The following TMEM259 variants were observed in gnomAD, a reference collection of about 807,000 sequenced individuals.
TMEM259 encodes transmembrane protein 259.
Under a neutral mutation model 46.7 loss-of-function variants are expected in TMEM259, and 26 were observed. The ratio of observed to expected loss-of-function variants is 0.56; its 90% CI spans 0.41 to 0.77. The LOEUF (loss-of-function observed/expected upper bound fraction) is 0.77, where lower values mean the gene tolerates loss of function less well. Among genes scored for constraint, TMEM259 ranks in the 30% least tolerant of loss-of-function variants. The probability of loss-of-function intolerance (pLI) is 0.00; values close to 1 mark genes in which losing one functional copy is unlikely to be tolerated. For synonymous variants in TMEM259, 494 were observed against 395.1 expected (o/e 1.25, Z -2.97); for missense variants, 930 against 900.5 (o/e 1.03, Z -0.42).
At position 1,011,907 on chromosome 19, in the gene TMEM259, G is replaced by A. The variant is rs770433599; in HGVS notation, c.927C>T (p.Ala309=). The A allele has an allele frequency of 1.0e-5, 16 of 1,606,990 alleles. No homozygotes were observed. The highest frequency in any genetic ancestry group is 1.6e-4 in the Middle Eastern group (1 of 6,064). ...AGGCACTCACGAAGATGACCATGATGGCGAAGGCGGCCAGGTAGGACGTCC... is the reference window on the plus strand; with the variant it reads ...AGGCACTCACGAAGATGACCATGATAGCGAAGGCGGCCAGGTAGGACGTCC... ...MARTSYLAAF[A]IMVIFTLSVS... Residue 309 remains alanine (A), a synonymous_variant, in exon 6 of 11, where the codon GCC becomes GCT. Coordinates refer to ENST00000356663, the MANE Select transcript of TMEM259 (RefSeq NM_001033026.2).
chr19:1,013,552 C>T (rs920341007), intron 2 of TMEM259: 1 of 552,278 alleles, frequency 1.8e-6, no homozygotes, highest in African/African-American at 1.9e-5. Flanking sequence ...ATCTCCAGCA[C>T]AGCTCTGAAT....
Position 1,012,118 on chromosome 19 carries a change from A to G in TMEM259, c.789T>C (p.Asp263=). The change falls in exon 5 of 11, where the codon GAT becomes GAC. Residue 263 remains aspartate, a synonymous_variant. Transcript: ENST00000356663. ...RLLLDEFLGY[D]DILMSSVKGL... ...CCTTCACGCTGGACATGAGGATGTC[A>G]TCGTAGCCCAGGAACTCATCCAGCA... The G allele has an allele frequency of 1.2e-6, 2 of 1,611,036 alleles. No homozygotes were observed. Among genetic ancestry groups the G allele is most frequent in the Non-Finnish European group, 1.7e-6 (2 of 1,179,106 alleles).
Position 1,010,731 on chromosome 19 carries a change from G to A in TMEM259, c.1482C>T (p.Asp494=). ...NNSGAPATAP[D]SAGQPPALGP... Reference sequence around the variant, plus strand: ...CCAGGGCGGGGGGCTGGCCGGCAGAGTCAGGGGCTGTAGCCGGGGCGCCCG... The same window carrying A: ...CCAGGGCGGGGGGCTGGCCGGCAGAATCAGGGGCTGTAGCCGGGGCGCCCG... The change falls in exon 11 of 11, where the codon GAC becomes GAT. Residue 494 remains aspartate, a synonymous_variant. Transcript: ENST00000356663. 1.3e-6 allele frequency: 2 copies of A among 1,531,602 alleles called. No individual in the cohort carries two copies. Among genetic ancestry groups the A allele is most frequent in the Non-Finnish European group, 1.7e-6 (2 of 1,145,268 alleles). 94.9% of individuals were successfully genotyped at this position (1,531,602 alleles called of 1,614,324 possible).
chr19:1,018,043 G>A (rs1291891525), intron 1 of TMEM259, among the ~76,000 whole-genome samples: 2 of 152,132 alleles, frequency 1.3e-5, no homozygotes, highest in South Asian at 2.1e-4. Flanking sequence ...CCTGTGGCTA[G>A]GCGCGGGCCC....
rs2145549452 is a variant in TMEM259 at position 1,009,818 on chromosome 19, G to A, written c.*532C>T. 2 of 466,930 alleles carry A rather than the reference G, an allele frequency of 4.3e-6. No individual in the cohort carries two copies. The highest frequency in any genetic ancestry group is 7.3e-6 in the Non-Finnish European group (2 of 272,608). The allele number at this position is 466,930 out of a possible 1,614,324, so 28.9% of individuals were successfully genotyped here. On this transcript the variant is annotated 3_prime_UTR_variant, in exon 11 of 11. Coordinates refer to ENST00000356663, the MANE Select transcript of TMEM259 (RefSeq NM_001033026.2). ...GACCACGGCCCTGGCTGCTGCCACT[G>A]ATGTTGGCGCCTGCACCCCACGTCC... is the stretch of plus-strand genomic sequence containing the variant.
intron 1 of TMEM259, among the ~76,000 whole-genome samples, chr19:1,014,926 C>T (rs1423027887): frequency 2.0e-5 from 3 of 152,202 alleles, no homozygotes; most frequent in Non-Finnish European, 4.4e-5. Flanking sequence ...CAGCCAACGG[C>T]TCCCGCCCTG....
In TMEM259 at chr19:1,012,426, G is replaced by A. The variant is rs369310236; in HGVS notation, c.718+37C>T. The A allele has an allele frequency of 3.3e-4, 505 of 1,547,068 alleles. 1 individual carries two copies. The African/African-American group carries it at 4.2e-3, about 13-fold the overall frequency. ...GACCCGAGGGAGGAGGGGAGGCCCC[G>A]CCATGGAGCTCCCCAAGCCCAGCAG... On this transcript the variant is annotated intron_variant, in intron 4 of 10. Transcript: ENST00000356663.
rs756650314 is a variant in TMEM259, at chr19:1,010,455, C to CG, written c.1757dup (p.Ser587GlufsTer2). On this transcript the variant is annotated frameshift_variant, in exon 11 of 11. Transcript: ENST00000356663. LOFTEE classifies it low-confidence loss of function (END_TRUNC). ...TTGTGTCAGAAGCTGCGGAGTCACT[C>CG]GGGGGGACACTGTCCTGGGGGGCGT... 1.3e-6 allele frequency: 2 copies of CG among 1,537,986 alleles called. No homozygotes were observed. The highest frequency in any genetic ancestry group is 1.2e-5 in the South Asian group (1 of 83,188).
In TMEM259 at chr19:1,010,388, T is replaced by C. The variant is rs752963465; in HGVS notation, c.1825A>G (p.Met609Val). The change falls in exon 11 of 11, where the codon ATG becomes GTG. Residue 609 changes from methionine (M) to valine (V), a missense_variant. Coordinates refer to ENST00000356663, the MANE Select transcript of TMEM259 (RefSeq NM_001033026.2). ...AAVGGPSPASMAPTEAPSEVG... is the reference protein window; with the variant it reads ...AAVGGPSPASVAPTEAPSEVG... ...TCCGAGGGCGCCTCCGTTGGGGCCA[T>C]GGAGGCCGGGCTAGGCCCGCCTACC... 68 of 1,509,660 alleles carry C rather than the reference T, an allele frequency of 4.5e-5. No homozygotes were observed. The highest frequency in any genetic ancestry group is 5.9e-5 in the Non-Finnish European group (67 of 1,136,290). 93.5% of individuals were successfully genotyped at this position (1,509,660 alleles called of 1,614,324 possible).
Position 1,010,080 on chromosome 19 carries a change from T to G in TMEM259, c.*270A>C. 1 of 455,036 alleles carries G rather than the reference T, an allele frequency of 2.2e-6. No individual in the cohort carries two copies. The highest frequency in any genetic ancestry group is 3.9e-6 in the Non-Finnish European group (1 of 258,720). 28.2% of individuals were successfully genotyped at this position (455,036 alleles called of 1,614,324 possible). On this transcript the variant is annotated 3_prime_UTR_variant, in exon 11 of 11. Transcript: ENST00000356663. ...TCCTCAGGACGGTTCACTGCAGACC[T>G]ACCAAGACCCCTCCAGAACCTTCCG...
Position 1,014,465 on chromosome 19 carries a change from A to C in TMEM259, c.234T>G (p.Phe78Leu), listed in dbSNP as rs761310401. Residue 78 changes from phenylalanine to leucine, a missense_variant, in exon 2 of 11, where the codon TTT (phenylalanine) becomes TTG (leucine). Physicochemically the swap from Phe to Leu is conservative, Grantham distance 22. Coordinates refer to ENST00000356663, the MANE Select transcript of TMEM259 (RefSeq NM_001033026.2). Reference protein sequence around the residue: ...FEFFVLLKALFVLFVLAYIHI... With the variant: ...FEFFVLLKALLVLFVLAYIHI... ...GGATGTAGGCCAGGACGAAGAGCAC[A>C]AACAGGGCCTAGGGGGCGGCCGGCA... The C allele has an allele frequency of 4.5e-5, 72 of 1,608,808 alleles. No homozygotes were observed. Among genetic ancestry groups the C allele is most frequent in the Non-Finnish European group, 5.7e-5 (67 of 1,178,080 alleles).
chr19:1,012,553 T>C lies in TMEM259; in HGVS notation c.628A>G (p.Ile210Val). The C allele has an allele frequency of 1.3e-6, 2 of 1,593,050 alleles. No homozygotes were observed. Among genetic ancestry groups the C allele is most frequent in the Non-Finnish European group, 1.7e-6 (2 of 1,170,906 alleles). The change falls in exon 4 of 11, where the codon ATC (isoleucine) becomes GTC (valine). Residue 210 changes from isoleucine (I) to valine (V), a missense_variant. By Grantham distance (29) the Ile-to-Val change is conservative. Transcript: ENST00000356663. Reference sequence around the variant, plus strand: ...CCATACTCTAGTGAGTACTCCACGATGTACTCGTCCTGCGGCCACACTGCA... The same window carrying C: ...CCATACTCTAGTGAGTACTCCACGACGTACTCGTCCTGCGGCCACACTGCA... Reference protein sequence around the residue: ...PTKVWPQDEYIVEYSLEYGFL... With the variant: ...PTKVWPQDEYVVEYSLEYGFL...
rs1392421514 is a variant in TMEM259 at position 1,009,925 on chromosome 19, C to T, written c.*425G>A. 1.5e-5 allele frequency: 5 copies of T among 334,184 alleles called. No homozygotes were observed. Among genetic ancestry groups the T allele is most frequent in the Non-Finnish European group, 2.7e-5 (5 of 183,706 alleles). The allele number at this position is 334,184 out of a possible 1,614,324, so 20.7% of individuals were successfully genotyped here. On this transcript the variant is annotated 3_prime_UTR_variant, in exon 11 of 11. Coordinates refer to ENST00000356663, the MANE Select transcript of TMEM259 (RefSeq NM_001033026.2). ...GGGGAGGGCGGGGCCATGGAGAAGG[C>T]ACTGCAGGGAGCACCAGGCAGAGCC... is the stretch of plus-strand genomic sequence containing the variant.
In TMEM259 at chr19:1,010,638, G is replaced by A. The variant is rs1361925577; in HGVS notation, c.1575C>T (p.Ala525=). 3.2e-6 allele frequency: 5 copies of A among 1,543,390 alleles called. No individual in the cohort carries two copies. Among genetic ancestry groups the A allele is most frequent in the Admixed American group, 1.9e-5 (1 of 51,686 alleles). The change falls in exon 11 of 11, where the codon GCC becomes GCT. Residue 525 remains alanine, a synonymous_variant. Coordinates refer to ENST00000356663, the MANE Select transcript of TMEM259 (RefSeq NM_001033026.2). The stretch of plus-strand genomic sequence containing the variant: ...CAGCTGCTGCCACTGAGGCTGCCGC[G>A]GCCACCAGGGAGCTGGGCGCCGCTG... ...PVAAAPSSLV[A]AAASVAAAAG...
rs112523716 is a variant in TMEM259 at position 1,012,005 on chromosome 19, G to C, written c.842-13C>G. On this transcript the variant is annotated splice_polypyrimidine_tract_variant and intron_variant, in intron 5 of 10. Coordinates refer to ENST00000356663, the MANE Select transcript of TMEM259 (RefSeq NM_001033026.2). ...TTCCGCAGGAAGCCTGCAGCAGAAGGAGCCGTGAGCGCCCGCCCCCACCCG... is the reference window on the plus strand; with the variant it reads ...TTCCGCAGGAAGCCTGCAGCAGAAGCAGCCGTGAGCGCCCGCCCCCACCCG... The C allele has an allele frequency of 1.2e-6, 2 of 1,611,834 alleles. No homozygotes were observed. The highest frequency in any genetic ancestry group is 2.7e-5 in the African/African-American group (2 of 75,012).
At position 1,020,906 on chromosome 19, in the gene TMEM259, T is replaced by C; in HGVS notation, c.91A>G (p.Asn31Asp). ...PAPARGPRTP[N>D]LNPNPLINVR... ...TTGATGAGGGGGTTGGGGTTGAGAT[T>C]GGGGGTGCGAGGCCCGCGCGCGGGG... Residue 31 changes from asparagine to aspartate, a missense_variant, in exon 1 of 11, where the codon AAT becomes GAT. Physicochemically the swap from Asn to Asp is conservative, Grantham distance 23. Transcript: ENST00000356663. This position sits in a 1 kb window ranked among gnomAD's most constrained non-coding sequence, Gnocchi z 4.0. 2 of 1,221,574 alleles carry C rather than the reference T, an allele frequency of 1.6e-6. No individual in the cohort carries two copies. Among genetic ancestry groups the C allele is most frequent in the Non-Finnish European group, 1.0e-6 (1 of 978,570 alleles). The allele number at this position is 1,221,574 out of a possible 1,614,324, so 75.7% of individuals were successfully genotyped here.
Position 1,010,190 on chromosome 19 carries a change from G to A in TMEM259, c.*160C>T, listed in dbSNP as rs903376334. The A allele has an allele frequency of 4.5e-6, 3 of 659,508 alleles. No individual in the cohort carries two copies. The highest frequency in any genetic ancestry group is 3.7e-5 in the Admixed American group (1 of 26,860). 40.9% of individuals were successfully genotyped at this position (659,508 alleles called of 1,614,324 possible). On this transcript the variant is annotated 3_prime_UTR_variant, in exon 11 of 11. Transcript: ENST00000356663. ...CTCGGGCGCGACCTCACACCAGGGGGAGGAAAGCCGCCTTCCGGGCAAACC... is the reference window on the plus strand; with the variant it reads ...CTCGGGCGCGACCTCACACCAGGGGAAGGAAAGCCGCCTTCCGGGCAAACC...
rs888687415 is a variant in TMEM259, at chr19:1,014,060, G to A, written c.507+132C>T. 28 of 1,172,186 alleles carry A rather than the reference G, an allele frequency of 2.4e-5. 1 individual carries two copies. The Admixed American group carries it at 3.4e-4, about 14-fold the overall frequency. 72.6% of individuals were successfully genotyped at this position (1,172,186 alleles called of 1,614,324 possible). The stretch of plus-strand genomic sequence containing the variant: ...CCAAAAGGCCACGGCAGGCAGGGGC[G>A]GCCTTGTCTGCATGCCAGGTCCCTG... On this transcript the variant is annotated intron_variant, in intron 2 of 10. Coordinates refer to ENST00000356663, the MANE Select transcript of TMEM259 (RefSeq NM_001033026.2).
At position 1,020,269 on chromosome 19, in the gene TMEM259, A is replaced by T. The variant is rs1297927079; in HGVS notation, c.225+503T>A. On this transcript the variant is annotated intron_variant, in intron 1 of 10. Transcript: ENST00000356663. This position sits in a 1 kb window ranked among gnomAD's most constrained non-coding sequence, Gnocchi z 4.0. ...GGAGTGGGGAGTCGACTTCCAGGAC[A>T]GGGGTTGGTCCGAGGGAGACCTGCG... Among the ~76,000 whole-genome samples the T allele has an allele frequency of 6.6e-6, 1 of 151,834 alleles. No individual in the cohort carries two copies. Among genetic ancestry groups the T allele is most frequent in the Non-Finnish European group, 1.5e-5 (1 of 67,972 alleles).
Sources: allele counts gnomAD v4.1 joint callset (sites outside exome capture counted in the v4.1 genomes callset), GRCh38; gene constraint gnomAD v4.1.1; non-coding constraint Gnocchi (gnomAD v3.1); transcripts MANE v1.5; gene names NCBI Gene and HGNC (gene_info 2026-07-23, HGNC 2026-07-21).